EYA1: variants seen among roughly 807,000 people sequenced by gnomAD.
EYA1 encodes the protein protein phosphatase EYA1.
In EYA1, 16 loss-of-function variants were observed where a neutral mutation model predicts 82.0. The ratio of observed to expected loss-of-function variants is 0.20; its 90% CI spans 0.13 to 0.30. The LOEUF (loss-of-function observed/expected upper bound fraction) is 0.30, where lower values mean the gene tolerates loss of function less well. EYA1 is among the 10% of genes least tolerant of loss of function. The pLI is 1.00. For missense variants in EYA1, 633 were observed against 730.7 expected, an observed-to-expected ratio of 0.87 and a Z score of 1.54; for synonymous variants, 261 against 264.4, an observed-to-expected ratio of 0.99 and a Z score of 0.12.
intron 2 of EYA1, among the ~76,000 whole-genome samples, chr8:71,478,130 T>C: frequency 6.6e-6 from 1 of 152,246 alleles, no homozygotes; most frequent in Non-Finnish European, 1.5e-5. Context: ...TGAAAACTAC[T>C]GAATTTTTCC....
intron 3 of EYA1, among the ~76,000 whole-genome samples, chr8:71,347,924 C>A (rs959056091): frequency 1.6e-4 from 21 of 134,398 alleles, no homozygotes; most frequent in Middle Eastern, 4.2e-3. Context: ...ATCTGTAAAA[C>A]TAGCAAATTA....
intron 2 of EYA1, among the ~76,000 whole-genome samples, chr8:71,376,505 C>A (rs1828378535): frequency 6.6e-6 from 1 of 152,036 alleles, no homozygotes; most frequent in Non-Finnish European, 1.5e-5. Context: ...TATAGGAGAG[C>A]AAAATAGAGG....
At chr8:71,257,659 A>G (rs1044016763) in intron 11 of EYA1, among the ~76,000 whole-genome samples, 1 of 151,846 alleles carries the variant, frequency 6.6e-6, no homozygotes, top group African/African-American at 2.4e-5. Flanking sequence ...GCTTCTATTC[A>G]CTCTATTCAT....
At chr8:71,281,896 A>T (rs1303865192) in intron 9 of EYA1, among the ~76,000 whole-genome samples, 1 of 152,266 alleles carries the variant, frequency 6.6e-6, no homozygotes, top group Admixed American at 6.5e-5. Flanking sequence ...GTGCCAGGCA[A>T]CACACTCAGC....
chr8:71,253,690 T>A (rs1326290172), intron 11 of EYA1, among the ~76,000 whole-genome samples: 2 of 152,134 alleles, frequency 1.3e-5, no homozygotes, highest in African/African-American at 4.8e-5. Context: ...ACTGATCCTA[T>A]CAGTTAGTTC....
chr8:71,267,178 C>T (rs1167117058), intron 11 of EYA1, among the ~76,000 whole-genome samples: 1 of 152,152 alleles, frequency 6.6e-6, no homozygotes, highest in Non-Finnish European at 1.5e-5. Flanking sequence ...TGAGATTAGC[C>T]CTGTTGACTG....
intron 3 of EYA1, among the ~76,000 whole-genome samples, chr8:71,338,408 T>C (rs1333522614): frequency 5.3e-5 from 8 of 152,244 alleles, no homozygotes; most frequent in Non-Finnish European, 1.2e-4. Context: ...GGCCATCTTT[T>C]TCTGACATTT....
chr8:71,254,298 C>T (rs1366770003), intron 11 of EYA1, among the ~76,000 whole-genome samples: 1 of 144,950 alleles, frequency 6.9e-6, no homozygotes, highest in Admixed American at 7.0e-5. Flanking sequence ...ACTAAGCAAG[C>T]TCCTAGATCT....
At chr8:71,285,548 G>A (rs1818275565) in intron 9 of EYA1, among the ~76,000 whole-genome samples, 1 of 152,154 alleles carries the variant, frequency 6.6e-6, no homozygotes, top group Non-Finnish European at 1.5e-5. Context: ...GAACTGAAAC[G>A]AATAACAGGC....
At chr8:71,219,721 G>A (rs1809651063) in intron 12 of EYA1, among the ~76,000 whole-genome samples, 1 of 152,146 alleles carries the variant, frequency 6.6e-6, no homozygotes, top group East Asian at 1.9e-4. Context: ...TTAAGATACT[G>A]CAATATTCCA....
chr8:71,258,553 G>A (rs184456608), intron 11 of EYA1, among the ~76,000 whole-genome samples: 1 of 152,266 alleles, frequency 6.6e-6, no homozygotes, highest in Admixed American at 6.5e-5. Flanking sequence ...GAGACCACAT[G>A]GTATTAGCAG....
chr8:71,317,776 C>T lies in EYA1; in HGVS notation c.419-87G>A, dbSNP rs1822090160. 3 of 1,240,970 alleles carry T rather than the reference C, an allele frequency of 2.4e-6. No individual in the cohort carries two copies. The Admixed American group carries it at 5.0e-5, about 21-fold the overall frequency. 76.9% of individuals were successfully genotyped at this position (1,240,970 alleles called of 1,614,324 possible). A position where few individuals can be genotyped will look rare whatever the true frequency, so the allele number is the denominator to read the frequency against. ...AACATACACTTCCACAACCGTTTAACTACAAATGCTTCCCCAATCTTATCT... is the reference window on the plus strand; with the variant it reads ...AACATACACTTCCACAACCGTTTAATTACAAATGCTTCCCCAATCTTATCT... On this transcript the variant is annotated intron_variant, in intron 6 of 17. Transcript: ENST00000340726.
At chr8:71,305,889 C>A (rs1820685975) in intron 7 of EYA1, among the ~76,000 whole-genome samples, 1 of 152,168 alleles carries the variant, frequency 6.6e-6, no homozygotes, top group African/African-American at 2.4e-5. Flanking sequence ...CATACGCACA[C>A]ACACACAGCT....
chr8:71,485,044 A>G (rs1810457481), intron 2 of EYA1, among the ~76,000 whole-genome samples: 1 of 152,266 alleles, frequency 6.6e-6, no homozygotes, highest in African/African-American at 2.4e-5. Context: ...CTAGAGTCCA[A>G]GGACAAAAAC....
intron 4 of EYA1, among the ~76,000 whole-genome samples, chr8:71,329,935 A>G (rs1309660219): frequency 6.6e-6 from 1 of 152,144 alleles, no homozygotes; most frequent in Non-Finnish European, 1.5e-5. Context: ...GCACCGAGTC[A>G]AGTGGTCAGG....
At chr8:71,246,248 C>G (rs549544308) in intron 11 of EYA1, among the ~76,000 whole-genome samples, 3 of 152,124 alleles carry the variant, frequency 2.0e-5, no homozygotes, top group Non-Finnish European at 1.5e-5. Context: ...TTTATTGTCA[C>G]GGCAAACCTT....
At chr8:71,278,993 C>A (rs941945381) in intron 9 of EYA1, among the ~76,000 whole-genome samples, 2 of 152,130 alleles carry the variant, frequency 1.3e-5, no homozygotes, top group African/African-American at 4.8e-5. Context: ...GAACTCCTAG[C>A]CGAGAGGAAG....
At chr8:71,224,691 A>G (rs1810349276) in intron 12 of EYA1, among the ~76,000 whole-genome samples, 1 of 152,228 alleles carries the variant, frequency 6.6e-6, no homozygotes, top group African/African-American at 2.4e-5. Context: ...CAGCACTTGA[A>G]AAAGAATGCA....
chr8:71,467,982 G>A (rs941027077), intron 2 of EYA1, among the ~76,000 whole-genome samples: 1 of 152,030 alleles, frequency 6.6e-6, no homozygotes, highest in African/African-American at 2.4e-5. Context: ...ATCCTGACTT[G>A]GATAAAGTTT....
Sources: gnomAD v4.1 joint callset for allele counts (sites outside exome capture counted in the v4.1 genomes callset) on GRCh38, gnomAD v4.1.1 for gene constraint, MANE v1.5 for transcripts, NCBI Gene and HGNC (gene_info 2026-07-23, HGNC 2026-07-21) for gene names.